DRC8: variants seen among roughly 807,000 people sequenced by gnomAD.
DRC8 encodes the protein dynein regulatory complex subunit 8, also known as dynein regulatory complex protein 8.
chr1:245,078,777 C>T, the DRC8 span, among the ~76,000 whole-genome samples: 236 of 152,294 alleles, frequency 1.5e-3, no homozygotes, highest in African/African-American at 5.3e-3. Flanking sequence ...TTATTCTATA[C>T]TTGAAATTTA....
At chr1:245,094,378 A>C in the DRC8 span, among the ~76,000 whole-genome samples, 1 of 152,166 alleles carries the variant, frequency 6.6e-6, no homozygotes, top group Non-Finnish European at 1.5e-5. Flanking sequence ...TGGTGTCATT[A>C]AAACCAAATA....
At chr1:244,980,389 T>A in the DRC8 span, among the ~76,000 whole-genome samples, 1 of 151,624 alleles carries the variant, frequency 6.6e-6, no homozygotes, top group East Asian at 1.9e-4. Context: ...AAAAATAAAG[T>A]TTTTTTTAGC....
the DRC8 span, among the ~76,000 whole-genome samples, chr1:244,993,861 C>T: frequency 6.6e-6 from 1 of 152,350 alleles, no homozygotes; most frequent in East Asian, 1.9e-4. Flanking sequence ...GCAGAGCCCT[C>T]GTGGCCTAAT....
chr1:245,009,208 A>G, the DRC8 span, among the ~76,000 whole-genome samples: 3 of 149,310 alleles, frequency 2.0e-5, no homozygotes, highest in Admixed American at 1.3e-4. Flanking sequence ...GCTAATTTGT[A>G]TTTTTAGTAG....
At chr1:245,125,138 A>G in the DRC8 span, 238 of 152,256 alleles carry the variant, frequency 1.6e-3, 1 homozygote, top group African/African-American at 5.4e-3. Context: ...GCTGATGAGC[A>G]TTTGTGCTGT....
chr1:245,082,200 G>A, the DRC8 span: 1 of 1,532,520 alleles, frequency 6.5e-7, no homozygotes, highest in South Asian at 1.1e-5. Flanking sequence ...CAAAGTAATG[G>A]TCAGAATTAT....
the DRC8 span, among the ~76,000 whole-genome samples, chr1:245,081,173 A>T: frequency 1.4e-4 from 21 of 149,124 alleles, no homozygotes; most frequent in Non-Finnish European, 1.8e-4. Context: ...ATATATATAT[A>T]TTTTTTGAGA....
At chr1:245,012,319 T>A in the DRC8 span, among the ~76,000 whole-genome samples, 1 of 151,796 alleles carries the variant, frequency 6.6e-6, no homozygotes, top group Non-Finnish European at 1.5e-5. Context: ...ACTAGTGTTC[T>A]AGATTATTAA....
chr1:244,974,767 T>C, the DRC8 span, among the ~76,000 whole-genome samples: 2 of 152,088 alleles, frequency 1.3e-5, no homozygotes, highest in Non-Finnish European at 2.9e-5. Flanking sequence ...CCATCACGGC[T>C]CACTACAGCC....
the DRC8 span, among the ~76,000 whole-genome samples, chr1:244,977,937 C>T: frequency 6.6e-6 from 1 of 152,010 alleles, no homozygotes; most frequent in African/African-American, 2.4e-5. Flanking sequence ...GGTAAGGACA[C>T]GTGGGGGAGC....
chr1:245,094,733 T>C, the DRC8 span, among the ~76,000 whole-genome samples: 28 of 152,224 alleles, frequency 1.8e-4, no homozygotes, highest in African/African-American at 6.5e-4. Context: ...GGAAAAACAA[T>C]GTAAAGTGTA....
the DRC8 span, among the ~76,000 whole-genome samples, chr1:245,006,446 G>A: frequency 3.5e-4 from 54 of 152,162 alleles, no homozygotes; most frequent in African/African-American, 1.3e-3. Context: ...GATTACAGGC[G>A]CATGCCACCA....
At chr1:245,048,040 A>G in the DRC8 span, among the ~76,000 whole-genome samples, 1 of 151,888 alleles carries the variant, frequency 6.6e-6, no homozygotes, top group East Asian at 1.9e-4. Flanking sequence ...GTGGATCATC[A>G]TAAAGGTCTT....
chr1:245,080,902 C>A, the DRC8 span, among the ~76,000 whole-genome samples: 1 of 152,124 alleles, frequency 6.6e-6, no homozygotes, highest in Non-Finnish European at 1.5e-5. Context: ...CATCTTGAAG[C>A]CTTCTCCCTG....
chr1:244,973,956 A>G, the DRC8 span, among the ~76,000 whole-genome samples: 4 of 152,194 alleles, frequency 2.6e-5, no homozygotes, highest in Non-Finnish European at 5.9e-5. Flanking sequence ...GCTTTCATAC[A>G]GTATAATTTA....
At chr1:245,036,623 C>T in the DRC8 span, among the ~76,000 whole-genome samples, 2 of 152,010 alleles carry the variant, frequency 1.3e-5, no homozygotes, top group African/African-American at 2.4e-5. Context: ...ATAAATGAAA[C>T]GTGATGTATT....
the DRC8 span, among the ~76,000 whole-genome samples, chr1:244,975,220 A>G: frequency 7.9e-5 from 12 of 151,832 alleles, no homozygotes; most frequent in African/African-American, 9.7e-5. Context: ...GTGAGCCACC[A>G]CGCCTGGCTC....
the DRC8 span, among the ~76,000 whole-genome samples, chr1:245,070,501 T>C: frequency 6.6e-6 from 1 of 152,226 alleles, no homozygotes; most frequent in African/African-American, 2.4e-5. Context: ...TAAATGAGAA[T>C]AACATGATGA....
the DRC8 span, among the ~76,000 whole-genome samples, chr1:245,103,996 C>T: frequency 6.6e-6 from 1 of 152,064 alleles, no homozygotes; most frequent in African/African-American, 2.4e-5. Context: ...GCCGAGCCAG[C>T]GACAATGACT....
Sources: allele counts gnomAD v4.1 joint callset (sites outside exome capture counted in the v4.1 genomes callset), GRCh38; gene constraint gnomAD v4.1.1; transcripts MANE v1.5; gene names NCBI Gene and HGNC (gene_info 2026-07-23, HGNC 2026-07-21).